DMC1: variants seen among roughly 807,000 people sequenced by gnomAD.
The protein encoded by DMC1 is meiotic recombination protein DMC1 homolog.
In DMC1, 27 loss-of-function variants were observed where a neutral mutation model predicts 50.1. The observed-to-expected ratio is 0.54, with a 90% CI of 0.40 to 0.74. DMC1 has a LOEUF of 0.74. Ranked by LOEUF, DMC1 falls within the 30% of genes least tolerant of loss-of-function variation. The pLI is 0.00. For synonymous variants in DMC1, 148 were observed against 136.1 expected (o/e 1.09, Z -0.61); for missense variants, 295 against 420.2 (o/e 0.70, Z 2.60).
At chr22:38,547,042 T>C (rs890303285) in intron 8 of DMC1, among the ~76,000 whole-genome samples, 4 of 152,216 alleles carry the variant, frequency 2.6e-5, no homozygotes, top group Non-Finnish European at 5.9e-5. Flanking sequence ...TAAATCTAAA[T>C]AACTGCTGAT....
rs577108186 is a variant in DMC1 at position 38,551,761 on chromosome 22, G to A, written c.421+905C>T. On this transcript the variant is annotated intron_variant, in intron 7 of 13. Coordinates refer to ENST00000216024, the MANE Select transcript of DMC1 (RefSeq NM_007068.4). Reference sequence around the variant, plus strand: ...CATTATTTCAATTTTATTGGTGGGGGAAATTAGAGAAGTAGAGCAACTTGC... The same window carrying A: ...CATTATTTCAATTTTATTGGTGGGGAAAATTAGAGAAGTAGAGCAACTTGC... Among the ~76,000 whole-genome samples the A allele has an allele frequency of 3.3e-5, 5 of 151,950 alleles. No homozygotes were observed. The South Asian group carries it at 1.0e-3, about 32-fold the overall frequency.
chr22:38,566,495 C>T (rs1435440670), intron 4 of DMC1, 95 bp downstream of exon 4: 4 of 1,379,238 alleles, frequency 2.9e-6, no homozygotes, highest in Non-Finnish European at 4.1e-6. Flanking sequence ...TACAGGAACT[C>T]AGTTCCCACA....
At chr22:38,539,179 TGATAAAATTTATAGA>T (rs1231716617) in intron 9 of DMC1, 127 bp downstream of exon 9, 80 of 645,932 alleles carry the variant, frequency 1.2e-4, no homozygotes, top group Non-Finnish European at 1.8e-4. Flanking sequence ...ACTTACCAGA[TGATAAAATTTATAGA>T]CTGAGTAAAT....
chr22:38,511,061 G>T, the DMC1 span, among the ~76,000 whole-genome samples: 375 of 152,128 alleles, frequency 2.5e-3, 10 homozygotes, highest in East Asian at 0.038. Context: ...TTGAGCCCAG[G>T]CATTTGAGGT....
chr22:38,554,455 A>C (rs995126898), intron 6 of DMC1, among the ~76,000 whole-genome samples: 8 of 152,162 alleles, frequency 5.3e-5, no homozygotes, highest in Admixed American at 6.5e-5. Flanking sequence ...AAAAAAAAAA[A>C]AAAAAACAGA....
rs552711642 is a variant in DMC1 at position 38,550,056 on chromosome 22, A to G, written c.422-59T>C. ...GTGAATAAACTTTGTACACATGACT[A>G]TATAAATACACATGGAATCTGCTGT... On this transcript the variant is annotated intron_variant, in intron 7 of 13. Transcript: ENST00000216024. 1.6e-5 allele frequency: 19 copies of G among 1,215,632 alleles called. No homozygotes were observed. The South Asian group carries it at 2.3e-4, about 15-fold the overall frequency. The allele number at this position is 1,215,632 out of a possible 1,614,324, so 75.3% of individuals were successfully genotyped here. A position where few individuals can be genotyped will look rare whatever the true frequency, so the allele number is the denominator to read the frequency against.
chr22:38,555,200 A>G (rs1316828122), intron 6 of DMC1, among the ~76,000 whole-genome samples, 157 bp downstream of exon 6: 1 of 152,210 alleles, frequency 6.6e-6, no homozygotes, highest in Non-Finnish European at 1.5e-5. Flanking sequence ...TGCAGTACAG[A>G]ATGATCTCAT....
At chr22:38,524,562 C>G (rs1196499329) in intron 12 of DMC1, among the ~76,000 whole-genome samples, 1 of 152,182 alleles carries the variant, frequency 6.6e-6, no homozygotes, top group Non-Finnish European at 1.5e-5. Flanking sequence ...TTTTCTCCTT[C>G]CCTCTAAAAC....
At chr22:38,530,077 C>G (rs1367756872) in intron 12 of DMC1, among the ~76,000 whole-genome samples, 1 of 152,080 alleles carries the variant, frequency 6.6e-6, no homozygotes, top group African/African-American at 2.4e-5. Flanking sequence ...GCAATTCTCC[C>G]TGCCTCAGCC....
chr22:38,552,900 T>C (rs1047579410), intron 6 of DMC1, among the ~76,000 whole-genome samples, 193 bp from the exon 7 acceptor site: 1 of 151,738 alleles, frequency 6.6e-6, no homozygotes, highest in African/African-American at 2.4e-5. Context: ...CAGGCTGGAG[T>C]GCAGTGGCAC....
At chr22:38,528,569 G>T (rs1027155893) in intron 12 of DMC1, among the ~76,000 whole-genome samples, 1 of 151,872 alleles carries the variant, frequency 6.6e-6, no homozygotes, top group African/African-American at 2.4e-5. Flanking sequence ...TTGATCCCTT[G>T]GAGGCCCACA....
intron 2 of DMC1, among the ~76,000 whole-genome samples, chr22:38,567,849 T>C (rs1474907071): frequency 1.3e-5 from 2 of 152,148 alleles, no homozygotes; most frequent in Non-Finnish European, 2.9e-5. Context: ...CTCCCTAAAA[T>C]TTTAAAACCT....
intron 12 of DMC1, among the ~76,000 whole-genome samples, chr22:38,534,782 A>G (rs1271919983): frequency 6.6e-6 from 1 of 151,140 alleles, no homozygotes; most frequent in African/African-American, 2.4e-5. Context: ...TGGGTGGAAC[A>G]CCTGAGGTCG....
At chr22:38,544,449 G>T (rs1310787753) in intron 8 of DMC1, among the ~76,000 whole-genome samples, 1 of 152,074 alleles carries the variant, frequency 6.6e-6, no homozygotes, top group Non-Finnish European at 1.5e-5. Context: ...TCCTGTCTTT[G>T]CTTCAGGTTG....
chr22:38,546,498 T>C (rs377431393), intron 8 of DMC1, among the ~76,000 whole-genome samples: 168 of 152,294 alleles, frequency 1.1e-3, no homozygotes, highest in African/African-American at 3.9e-3. Flanking sequence ...TGAAACCAGC[T>C]GAACTCCAGC....
chr22:38,527,361 A>G (rs759880261), intron 12 of DMC1, among the ~76,000 whole-genome samples: 9 of 151,050 alleles, frequency 6.0e-5, no homozygotes, highest in Non-Finnish European at 1.2e-4. Flanking sequence ...CCCGCCACCA[A>G]GCCCAGCTAA....
At chr22:38,566,561 T>TA in intron 4 of DMC1, 29 bp downstream of exon 4, 1 of 1,613,734 alleles carries the variant, frequency 6.2e-7, no homozygotes, top group Non-Finnish European at 8.5e-7. Flanking sequence ...CCTGCCAAGC[T>TA]AAAACAGCAA....
At chr22:38,510,200 T>C in the DMC1 span, among the ~76,000 whole-genome samples, 1 of 151,710 alleles carries the variant, frequency 6.6e-6, no homozygotes, top group Non-Finnish European at 1.5e-5. Flanking sequence ...ACGCCTGTAA[T>C]CTCAGCACTT....
chr22:38,559,170 C>A (rs2145984005), intron 5 of DMC1, among the ~76,000 whole-genome samples: 1 of 152,250 alleles, frequency 6.6e-6, no homozygotes, highest in Non-Finnish European at 1.5e-5. Context: ...GCTGTGACCA[C>A]AGGCACATGC....
Sources: gnomAD v4.1 joint callset for allele counts (sites outside exome capture counted in the v4.1 genomes callset) on GRCh38, gnomAD v4.1.1 for gene constraint, MANE v1.5 for transcripts, NCBI Gene and HGNC (gene_info 2026-07-23, HGNC 2026-07-21) for gene names.